TSPAN15: variants seen among roughly 807,000 people sequenced by gnomAD.
TSPAN15 encodes the protein tetraspanin 15.
A neutral mutation model predicts 34.5 loss-of-function variants in TSPAN15; 20 were observed. That is an observed-to-expected ratio of 0.58 (90% confidence interval 0.41 to 0.84). TSPAN15 has a LOEUF of 0.84. TSPAN15 is among the 40% of genes least tolerant of loss of function. TSPAN15 has a pLI of 0.00. For synonymous variants in TSPAN15, 155 were observed against 153.9 expected (o/e 1.01, Z -0.05); for missense variants, 313 against 386.1 (o/e 0.81, Z 1.59).
chr10:69,500,240 C>T (rs1403323574), intron 5 of TSPAN15, among the ~76,000 whole-genome samples: 2 of 152,154 alleles, frequency 1.3e-5, no homozygotes, highest in Non-Finnish European at 2.9e-5. Context: ...CTCAGTTCGG[C>T]TGGAGGCCTC....
At chr10:69,485,836 G>A (rs1564609415) in intron 3 of TSPAN15, among the ~76,000 whole-genome samples, 1 of 152,136 alleles carries the variant, frequency 6.6e-6, no homozygotes, top group South Asian at 2.1e-4. Flanking sequence ...CAGTGGGCCT[G>A]GGCCAAAAAG....
chr10:69,539,537 AGG>A, the TSPAN15 span, among the ~76,000 whole-genome samples: 2 of 48,036 alleles, frequency 4.2e-5, no homozygotes, highest in African/African-American at 1.6e-4. Context: ...AAGAAGAAGA[AGG>A]AGAAGGAGAA....
chr10:69,516,345 A>T, the TSPAN15 span, among the ~76,000 whole-genome samples: 1 of 152,210 alleles, frequency 6.6e-6, no homozygotes, highest in African/African-American at 2.4e-5. Flanking sequence ...CCTGCATCTG[A>T]GTAGCTGAAT....
downstream of TSPAN15, among the ~76,000 whole-genome samples, chr10:69,511,225 A>G (rs1219219041): frequency 6.6e-6 from 1 of 152,114 alleles, no homozygotes; most frequent in Non-Finnish European, 1.5e-5. Context: ...TTTGGTTAGT[A>G]GGCTATTAAT....
intron 1 of TSPAN15, among the ~76,000 whole-genome samples, chr10:69,479,170 G>C (rs934675765): frequency 1.3e-5 from 2 of 152,206 alleles, no homozygotes; most frequent in African/African-American, 4.8e-5. Context: ...TTGCCTTTTG[G>C]GGGTGAAAAT....
intron 4 of TSPAN15, among the ~76,000 whole-genome samples, chr10:69,497,576 G>T (rs558756461): frequency 6.6e-6 from 1 of 152,246 alleles, no homozygotes; most frequent in Admixed American, 6.5e-5. Context: ...TCCATTTCCA[G>T]GTTGCACAGC....
In TSPAN15 at chr10:69,495,706, G is replaced by A; in HGVS notation, c.453+17G>A. ...CAGAAAAAGGTGAGCCAGGCGCTTT[G>A]GGGTAGAGATGCGCCTCCCGTGCTC... On this transcript the variant is annotated intron_variant, in intron 4 of 7. Coordinates refer to ENST00000373290, the MANE Select transcript of TSPAN15 (RefSeq NM_012339.5). 1 of 1,588,218 alleles carries A rather than the reference G, an allele frequency of 6.3e-7. No individual in the cohort carries two copies. Among genetic ancestry groups the A allele is most frequent in the Non-Finnish European group, 8.6e-7 (1 of 1,156,500 alleles).
At chr10:69,482,959 G>C (rs1205434505) in intron 1 of TSPAN15, among the ~76,000 whole-genome samples, 1 of 145,706 alleles carries the variant, frequency 6.9e-6, no homozygotes, top group Non-Finnish European at 1.5e-5. Flanking sequence ...CAAGGTGGCA[G>C]GGTTGATTTT....
At chr10:69,520,439 C>T in the TSPAN15 span, among the ~76,000 whole-genome samples, 1 of 152,178 alleles carries the variant, frequency 6.6e-6, no homozygotes, top group Admixed American at 6.5e-5. Flanking sequence ...AAGCAGGTCG[C>T]TTGAGTCCAG....
rs1342371830 is a variant in TSPAN15, at chr10:69,506,980, G to C, written c.*2G>C. The stretch of plus-strand genomic sequence containing the variant: ...TGCTGCTTGTGCTACCCCAATTAGG[G>C]CCCAGCCTGCCATGGCAGCTCCAAC... On this transcript the variant is annotated 3_prime_UTR_variant, in exon 8 of 8. Transcript: ENST00000373290. This position sits in a 1 kb window ranked among gnomAD's most constrained non-coding sequence, Gnocchi z 4.7. 1.2e-6 allele frequency: 2 copies of C among 1,606,816 alleles called. No individual in the cohort carries two copies. Among genetic ancestry groups the C allele is most frequent in the African/African-American group, 2.7e-5 (2 of 74,892 alleles).
intron 1 of TSPAN15, among the ~76,000 whole-genome samples, chr10:69,466,289 G>A (rs950268052): frequency 2.6e-5 from 4 of 152,282 alleles, no homozygotes; most frequent in African/African-American, 9.6e-5. Context: ...CTGAGTGAGG[G>A]CTAATTTGTG....
intron 3 of TSPAN15, among the ~76,000 whole-genome samples, chr10:69,493,032 G>A (rs1842001069): frequency 6.6e-6 from 1 of 152,182 alleles, no homozygotes. Flanking sequence ...AGTGCTGTAA[G>A]CTCATTCCCC....
At chr10:69,493,314 T>C (rs1300804865) in intron 3 of TSPAN15, among the ~76,000 whole-genome samples, 1 of 152,156 alleles carries the variant, frequency 6.6e-6, no homozygotes, top group East Asian at 1.9e-4. Flanking sequence ...CATGGGCTGG[T>C]GAGTTGACAG....
the TSPAN15 span, among the ~76,000 whole-genome samples, chr10:69,535,290 C>T: frequency 6.6e-6 from 1 of 152,098 alleles, no homozygotes; most frequent in East Asian, 1.9e-4. Flanking sequence ...AAGGTTATGT[C>T]AAAAGGACCC....
chr10:69,547,459 T>C, the TSPAN15 span, among the ~76,000 whole-genome samples: 1 of 152,198 alleles, frequency 6.6e-6, no homozygotes, highest in African/African-American at 2.4e-5. Context: ...GTTCTTCATG[T>C]TGTTGCTATT....
At chr10:69,488,901 G>T (rs947385541) in intron 3 of TSPAN15, among the ~76,000 whole-genome samples, 1 of 152,184 alleles carries the variant, frequency 6.6e-6, no homozygotes, top group Non-Finnish European at 1.5e-5. Flanking sequence ...ACTGATAAGG[G>T]TCTACCTTCA....
At chr10:69,500,279 A>G (rs1243428205) in intron 5 of TSPAN15, among the ~76,000 whole-genome samples, 1 of 152,164 alleles carries the variant, frequency 6.6e-6, no homozygotes, top group African/African-American at 2.4e-5. Flanking sequence ...AGCCCTTCAG[A>G]GTTGTCCCCT....
downstream of TSPAN15, among the ~76,000 whole-genome samples, chr10:69,509,127 G>A (rs111855512): frequency 0.012 from 1,826 of 152,278 alleles, 33 homozygotes; most frequent in African/African-American, 0.041. Context: ...CAGAGGCCCC[G>A]TAGGAGACAG....
chr10:69,532,360 C>T, the TSPAN15 span, among the ~76,000 whole-genome samples: 5 of 152,112 alleles, frequency 3.3e-5, no homozygotes, highest in African/African-American at 9.7e-5. Context: ...GAATAGAGAA[C>T]CCAGAAATAA....
Sources: gnomAD v4.1 joint callset for allele counts (sites outside exome capture counted in the v4.1 genomes callset) on GRCh38, gnomAD v4.1.1 for gene constraint, Gnocchi (gnomAD v3.1) non-coding constraint, MANE v1.5 for transcripts, NCBI Gene and HGNC (gene_info 2026-07-23, HGNC 2026-07-21) for gene names.